The following SEPTIN3 variants were observed in gnomAD, a reference collection of about 807,000 sequenced individuals.
SEPTIN3 encodes the protein neuronal-specific septin-3.
SEPTIN3 carries 15 observed loss-of-function variants against 45.1 expected under a neutral mutation model. That is an observed-to-expected ratio of 0.33 (90% CI 0.22 to 0.51). SEPTIN3 has a LOEUF of 0.51. SEPTIN3 is among the 20% of genes least tolerant of loss of function. SEPTIN3 has a pLI of 0.97. For missense variants in SEPTIN3, 289 were observed against 457.2 expected, an observed-to-expected ratio of 0.63 and a Z score of 3.35; for synonymous variants, 148 against 164.8, an observed-to-expected ratio of 0.90 and a Z score of 0.78.
chr22:41,987,519 C>A (rs1448817081), intron 5 of SEPTIN3, 103 bp from the exon 6 acceptor site: 5 of 1,408,470 alleles, frequency 3.5e-6, no homozygotes, highest in Non-Finnish European at 4.9e-6. Context: ...GCCCACCAAC[C>A]AGGGAATGAC....
chr22:41,989,632 T>C lies in SEPTIN3; in HGVS notation c.2111T>C (p.Ile704Thr). 6.2e-7 allele frequency: 1 copy of C among 1,614,070 alleles called. No homozygotes were observed. The highest frequency in any genetic ancestry group is 8.5e-7 in the Non-Finnish European group (1 of 1,179,968). The change falls in exon 7 of 12, where the codon ATT becomes ACT. Residue 704 changes from isoleucine to threonine, a missense_variant. Transcript: ENST00000644076. ...LSKVVNIIPV[I>T]AKADTMTLEE... is the part of the protein sequence containing the mutation. ...AAGGTTGTGAACATCATCCCTGTCA[T>C]TGCTAAGGCTGACACCATGACCCTG... is the stretch of plus-strand genomic sequence containing the variant.
intron 2 of SEPTIN3, among the ~76,000 whole-genome samples, chr22:41,977,684 A>G (rs2078052310): frequency 6.6e-6 from 1 of 150,878 alleles, no homozygotes; most frequent in Admixed American, 6.6e-5. Flanking sequence ...AGGAAGATCC[A>G]TCTTCAGGGT....
rs779455743 is a variant in SEPTIN3, at chr22:41,994,613, T to A, written c.2412-8T>A. On this transcript the variant is annotated splice_region_variant and splice_polypyrimidine_tract_variant and intron_variant, in intron 10 of 11. Transcript: ENST00000644076. This position sits in a 1 kb window ranked among gnomAD's most constrained non-coding sequence, Gnocchi z 4.2. ...GCAGCCCTCTTCTTCTCACCCTGTG[T>A]CCTCTAGGACCCACCTCCAGGACCT... 8.1e-6 allele frequency: 13 copies of A among 1,614,006 alleles called. No homozygotes were observed. Among genetic ancestry groups the A allele is most frequent in the Non-Finnish European group, 1.1e-5 (13 of 1,179,996 alleles).
intron 11 of SEPTIN3, chr22:41,995,212 G>A: frequency 1.0e-6 from 1 of 1,002,586 alleles, no homozygotes; most frequent in Non-Finnish European, 1.2e-6. Context: ...AGCTAGACCT[G>A]AGTAGGGGGC....
At chr22:41,995,842 A>C in intron 11 of SEPTIN3, 4 of 860,216 alleles carry the variant, frequency 4.6e-6, no homozygotes, top group Non-Finnish European at 5.6e-6. Flanking sequence ...TAAAGGAAGC[A>C]CACATGCTAG....
intron 9 of SEPTIN3, among the ~76,000 whole-genome samples, 158 bp downstream of exon 9, chr22:41,992,921 T>C (rs2078341993): frequency 6.6e-6 from 1 of 152,186 alleles, no homozygotes; most frequent in Non-Finnish European, 1.5e-5. Context: ...GAGAAGACGA[T>C]GCTCACAGGC....
intron 2 of SEPTIN3, among the ~76,000 whole-genome samples, chr22:41,973,714 C>T (rs777751121): frequency 2.0e-4 from 31 of 151,730 alleles, no homozygotes; most frequent in Non-Finnish European, 2.8e-4. Flanking sequence ...GGCACAGTGG[C>T]GCACACCTGT....
chr22:41,970,478 CAT>C (rs1162066918), intron 1 of SEPTIN3, among the ~76,000 whole-genome samples: 1 of 152,144 alleles, frequency 6.6e-6, no homozygotes, highest in African/African-American at 2.4e-5. Context: ...ATTCTGTTCC[CAT>C]CTGATCCCTC....
At chr22:41,984,993 C>T (rs1014967444) in intron 3 of SEPTIN3, among the ~76,000 whole-genome samples, 2 of 152,086 alleles carry the variant, frequency 1.3e-5, no homozygotes, top group African/African-American at 2.4e-5. Flanking sequence ...GCTGGGACTA[C>T]AGGCGCCTGC....
chr22:41,991,751 T>C lies in SEPTIN3; in HGVS notation c.2259+83T>C. The C allele has an allele frequency of 3.0e-6, 3 of 984,144 alleles. No individual in the cohort carries two copies. In the East Asian group the frequency reaches 7.1e-5, roughly 23 times the overall value. 61.0% of individuals were successfully genotyped at this position (984,144 alleles called of 1,614,324 possible). ...TATTGTGCACGTCCTCTGTCTGTCT[T>C]TTCCCTTTCTGTACTCCCCCCAACC... On this transcript the variant is annotated intron_variant, in intron 8 of 11. Transcript: ENST00000644076.
In SEPTIN3 at chr22:41,994,942, A is replaced by T. The variant is rs1436465607; in HGVS notation, c.2505+228A>T. 4.2e-6 allele frequency: 6 copies of T among 1,434,932 alleles called. No homozygotes were observed. Among genetic ancestry groups the T allele is most frequent in the Non-Finnish European group, 4.6e-6 (5 of 1,095,012 alleles). 88.9% of individuals were successfully genotyped at this position (1,434,932 alleles called of 1,614,324 possible). ...GTGTGTGACAGAGAGAGAGCGAGAGAGCCTGTGTGTGTGCATGCAGGGGTG... is the reference window on the plus strand; with the variant it reads ...GTGTGTGACAGAGAGAGAGCGAGAGTGCCTGTGTGTGTGCATGCAGGGGTG... On this transcript the variant is annotated intron_variant, in intron 11 of 11. Coordinates refer to ENST00000644076, the MANE Select transcript of SEPTIN3 (RefSeq NM_001363845.2). The surrounding 1 kb of genome is among the most constrained non-coding windows in gnomAD (Gnocchi z 4.2).
In SEPTIN3 at chr22:41,987,302, C is replaced by CT; in HGVS notation, c.1907+16dup. The CT allele has an allele frequency of 6.2e-7, 1 of 1,604,488 alleles. No homozygotes were observed. Among genetic ancestry groups the CT allele is most frequent in the African/African-American group, 1.3e-5 (1 of 74,642 alleles). On this transcript the variant is annotated intron_variant, in intron 5 of 11. Transcript: ENST00000644076. Reference sequence around the variant, plus strand: ...AATGAAAACTGGTATCTGTCTGCCTCTGAGATCTTTGCCCTAAAGACTCTG... The same window carrying CT: ...AATGAAAACTGGTATCTGTCTGCCTCTTGAGATCTTTGCCCTAAAGACTCTG...
rs1455034376 is a variant in SEPTIN3, at chr22:41,994,692, A to G, written c.2483A>G (p.Asn828Ser). Residue 828 changes from asparagine (N) to serine (S), a missense_variant, in exon 11 of 12, where the codon AAT becomes AGT. Transcript: ENST00000644076. The surrounding 1 kb of genome is among the most constrained non-coding windows in gnomAD (Gnocchi z 4.2). The stretch of plus-strand genomic sequence containing the variant: ...GAGACTTACAGGGCCAAGCGGCTCA[A>G]TGACAATGGAGGCCTCCCTCCGGTG... ...HYETYRAKRL[N>S]DNGGLPPGEG... 3 of 1,614,186 alleles carry G rather than the reference A, an allele frequency of 1.9e-6. No homozygotes were observed. Among genetic ancestry groups the G allele is most frequent in the South Asian group, 1.1e-5 (1 of 91,082 alleles).
chr22:41,975,063 C>G (rs891342988), intron 2 of SEPTIN3, among the ~76,000 whole-genome samples: 1 of 152,052 alleles, frequency 6.6e-6, no homozygotes, highest in African/African-American at 2.4e-5. Context: ...TAAAAGTTGT[C>G]TTACCTGAAT....
Position 41,997,168 on chromosome 22 carries a change from G to C in SEPTIN3, c.*201G>C. The C allele has an allele frequency of 2.1e-6, 2 of 971,656 alleles. No homozygotes were observed. Among genetic ancestry groups the C allele is most frequent in the Non-Finnish European group, 3.0e-6 (2 of 674,600 alleles). The allele number at this position is 971,656 out of a possible 1,614,324, so 60.2% of individuals were successfully genotyped here. A position where few individuals can be genotyped will look rare whatever the true frequency, so the allele number is the denominator to read the frequency against. ...CACTCCTCTCCTCCCAGTGGAGTGG[G>C]GTTCTGCCAGTACAGCCCTACTGCA... On this transcript the variant is annotated 3_prime_UTR_variant, in exon 12 of 12. Transcript: ENST00000644076.
Position 41,972,315 on chromosome 22 carries a change from A to G in SEPTIN3, c.823A>G (p.Asn275Asp), listed in dbSNP as rs1039631501. Residue 275 changes from asparagine to aspartate, a missense_variant, in exon 2 of 12, where the codon AAC becomes GAC. Asn to Asp is a conservative substitution (Grantham distance 23). Transcript: ENST00000644076. Reference protein sequence around the residue: ...AARHLATMATNRPSLAINLAT... With the variant: ...AARHLATMATDRPSLAINLAT... Reference sequence around the variant, plus strand: ...CAGACATTTAGCCACAATGGCCACCAACAGACCTAGCTTGGCTATCAATTT... The same window carrying G: ...CAGACATTTAGCCACAATGGCCACCGACAGACCTAGCTTGGCTATCAATTT... 1.3e-5 allele frequency: 5 copies of G among 399,056 alleles called. No individual in the cohort carries two copies. Among genetic ancestry groups the G allele is most frequent in the Admixed American group, 8.8e-5 (2 of 22,720 alleles). The allele number at this position is 399,056 out of a possible 1,614,324, so 24.7% of individuals were successfully genotyped here. A position where few individuals can be genotyped will look rare whatever the true frequency, so the allele number is the denominator to read the frequency against.
Position 41,976,922 on chromosome 22 carries a change from G to T in SEPTIN3, c.1504+3926G>T. On this transcript the variant is annotated intron_variant, in intron 2 of 11. Transcript: ENST00000644076. This position sits in a 1 kb window ranked among gnomAD's most constrained non-coding sequence, Gnocchi z 5.8. ...CGCAGGGGCGGCGCGGCGGGGCCGC[G>T]GGCCGGGCGGGTGGGAGGAGAGCGC... The T allele has an allele frequency of 2.2e-6, 1 of 454,554 alleles. No homozygotes were observed. Among genetic ancestry groups the T allele is most frequent in the Non-Finnish European group, 3.1e-6 (1 of 324,004 alleles). 28.2% of individuals were successfully genotyped at this position (454,554 alleles called of 1,614,324 possible).
Position 41,987,246 on chromosome 22 carries a change from C to G in SEPTIN3, c.1866C>G (p.Ile622Met). The G allele has an allele frequency of 1.2e-6, 2 of 1,613,664 alleles. No homozygotes were observed. Among genetic ancestry groups the G allele is most frequent in the Non-Finnish European group, 8.5e-7 (1 of 1,179,816 alleles). Reference protein sequence around the residue: ...EGGVKMKLTVIDTPGFGDQIN... With the variant: ...EGGVKMKLTVMDTPGFGDQIN... ...GTGTCAAAATGAAGCTGACCGTCATCGACACCCCAGGCTTTGGAGACCAAA... is the reference window on the plus strand; with the variant it reads ...GTGTCAAAATGAAGCTGACCGTCATGGACACCCCAGGCTTTGGAGACCAAA... The change falls in exon 5 of 12, where the codon ATC (isoleucine) becomes ATG (methionine). Residue 622 changes from isoleucine to methionine, a missense_variant. By Grantham distance (10) the Ile-to-Met change is conservative. Transcript: ENST00000644076.
chr22:41,972,817 C>T lies in SEPTIN3; in HGVS notation c.1325C>T (p.Thr442Ile), dbSNP rs1230137872. ...GTAVGSVVPV[T>I]PDPATGKTTL... ...GCTGTGGGTTCAGTTGTGCCAGTAA[C>T]CCCAGACCCAGCCACTGGGAAGACC... The change falls in exon 2 of 12, where the codon ACC becomes ATC. Residue 442 changes from threonine (T) to isoleucine (I), a missense_variant. Thr to Ile is a moderately conservative substitution (Grantham distance 89). Coordinates refer to ENST00000644076, the MANE Select transcript of SEPTIN3 (RefSeq NM_001363845.2). 1.0e-5 allele frequency: 4 copies of T among 399,000 alleles called. No homozygotes were observed. Among genetic ancestry groups the T allele is most frequent in the Non-Finnish European group, 1.3e-5 (3 of 226,136 alleles). The allele number at this position is 399,000 out of a possible 1,614,324, so 24.7% of individuals were successfully genotyped here. A position where few individuals can be genotyped will look rare whatever the true frequency, so the allele number is the denominator to read the frequency against.
Sources: gnomAD v4.1 joint callset for allele counts (sites outside exome capture counted in the v4.1 genomes callset) on GRCh38, gnomAD v4.1.1 for gene constraint, Gnocchi (gnomAD v3.1) non-coding constraint, MANE v1.5 for transcripts, NCBI Gene and HGNC (gene_info 2026-07-23, HGNC 2026-07-21) for gene names.